Variants in MTRF1 observed in about 807,000 individuals in gnomAD.
The protein encoded by MTRF1 is peptide chain release factor 1, mitochondrial.
In MTRF1, 51 loss-of-function variants were observed where a neutral mutation model predicts 62.9. That is an observed-to-expected ratio of 0.81 (90% CI 0.65 to 1.02). The LOEUF is 1.02. Among genes scored for constraint, MTRF1 ranks in the 50% least tolerant of loss-of-function variants. The pLI is 0.00. For missense variants in MTRF1, 446 were observed against 530.0 expected (o/e 0.84, Z 1.56); for synonymous variants, 158 against 181.9 (o/e 0.87, Z 1.06).
intron 7 of MTRF1, among the ~76,000 whole-genome samples, chr13:41,227,348 C>T (rs904860273): frequency 3.3e-5 from 5 of 151,800 alleles, no homozygotes; most frequent in Admixed American, 2.0e-4. Flanking sequence ...AGACGCTACT[C>T]AGAGTCTTTA....
At chr13:41,251,197 C>T (rs1202213094) in intron 5 of MTRF1, among the ~76,000 whole-genome samples, 1 of 152,130 alleles carries the variant, frequency 6.6e-6, no homozygotes, top group African/African-American at 2.4e-5. Flanking sequence ...CCTATTCATC[C>T]TTTGCAGGTC....
At chr13:41,217,828 C>T (rs954779979) in intron 9 of MTRF1, among the ~76,000 whole-genome samples, 1 of 152,218 alleles carries the variant, frequency 6.6e-6, no homozygotes, top group African/African-American at 2.4e-5. Context: ...CAAGCTCACC[C>T]TTCTGCTAAT....
At chr13:41,311,614 CGGTCCCCG>C in the MTRF1 span, 2 of 1,590,846 alleles carry the variant, frequency 1.3e-6, no homozygotes, top group Non-Finnish European at 1.7e-6. Context: ...TGCCGCCCCC[CGGTCCCCG>C]GGTCCTCGGG....
intron 1 of MTRF1, chr13:41,261,415 C>T (rs2139210608): frequency 6.5e-6 from 1 of 152,980 alleles, no homozygotes; most frequent in Admixed American, 6.5e-5. Flanking sequence ...TAAATAAAAA[C>T]AGCACTGCTT....
chr13:41,284,093 A>C, the MTRF1 span, among the ~76,000 whole-genome samples: 26 of 138,332 alleles, frequency 1.9e-4, no homozygotes, highest in Admixed American at 1.4e-3. Flanking sequence ...TTCTATCAAC[A>C]CTTTCCTATC....
chr13:41,241,427 A>C (rs1566115466), intron 5 of MTRF1, among the ~76,000 whole-genome samples: 1 of 152,144 alleles, frequency 6.6e-6, no homozygotes, highest in Non-Finnish European at 1.5e-5. Context: ...CAAATCAAAT[A>C]TGTGGTTTAG....
At chr13:41,286,539 A>G in the MTRF1 span, among the ~76,000 whole-genome samples, 3 of 152,214 alleles carry the variant, frequency 2.0e-5, no homozygotes, top group Non-Finnish European at 4.4e-5. Context: ...TGGGGATTTA[A>G]AAACAATTGT....
the MTRF1 span, chr13:41,311,489 T>C: frequency 1.3e-6 from 2 of 1,566,836 alleles, no homozygotes; most frequent in Non-Finnish European, 1.7e-6. Context: ...CCCGGGCACC[T>C]AGCCTCCCTG....
At chr13:41,255,595 G>C (rs946153931) in intron 2 of MTRF1, among the ~76,000 whole-genome samples, 7 of 152,148 alleles carry the variant, frequency 4.6e-5, no homozygotes, top group Non-Finnish European at 8.8e-5. Flanking sequence ...GGGAGGCTGA[G>C]GCAGGAGAAT....
At chr13:41,275,585 C>G in the MTRF1 span, among the ~76,000 whole-genome samples, 1 of 151,542 alleles carries the variant, frequency 6.6e-6, no homozygotes, top group African/African-American at 2.4e-5. Context: ...CTCTGTCTCC[C>G]GGGTTCAAAT....
At chr13:41,253,899 G>A (rs903071747) in intron 3 of MTRF1, among the ~76,000 whole-genome samples, 1 of 152,150 alleles carries the variant, frequency 6.6e-6, no homozygotes, top group Non-Finnish European at 1.5e-5. Flanking sequence ...GTAGGAGGAC[G>A]GCAAACGTGA....
At chr13:41,234,092 T>C (rs2036066988) in intron 6 of MTRF1, 85 bp from the exon 7 acceptor site, 2 of 1,070,940 alleles carry the variant, frequency 1.9e-6, no homozygotes. Context: ...ATAAACTGTA[T>C]TGTTTTAAGA....
chr13:41,289,062 T>C, the MTRF1 span, among the ~76,000 whole-genome samples: 8 of 152,166 alleles, frequency 5.3e-5, no homozygotes, highest in African/African-American at 1.9e-4. Flanking sequence ...TATGGTCATT[T>C]GGCATTTGAA....
the MTRF1 span, among the ~76,000 whole-genome samples, chr13:41,280,225 G>A: frequency 3.0e-4 from 45 of 152,232 alleles, no homozygotes; most frequent in East Asian, 6.4e-3. Flanking sequence ...GTGAGCCACC[G>A]CGCCCGGCCC....
chr13:41,266,729 C>T (rs769869504), upstream of MTRF1, among the ~76,000 whole-genome samples: 3 of 152,098 alleles, frequency 2.0e-5, no homozygotes, highest in South Asian at 6.2e-4. Context: ...CGCAGTGGCT[C>T]ACGCCTGTAA....
chr13:41,297,213 G>C, the MTRF1 span, among the ~76,000 whole-genome samples: 1 of 152,134 alleles, frequency 6.6e-6, no homozygotes, highest in East Asian at 1.9e-4. Context: ...GATTCTTTTT[G>C]TATTTTGTTT....
intron 5 of MTRF1, among the ~76,000 whole-genome samples, chr13:41,243,272 G>A (rs1284972122): frequency 1.3e-5 from 2 of 151,534 alleles, no homozygotes; most frequent in African/African-American, 4.8e-5. Flanking sequence ...AGCCAGGTGT[G>A]GTGGCACGTG....
intron 3 of MTRF1, among the ~76,000 whole-genome samples, chr13:41,253,468 G>A (rs1170913074): frequency 6.6e-6 from 1 of 152,196 alleles, no homozygotes; most frequent in African/African-American, 2.4e-5. Flanking sequence ...CAGCCATGCT[G>A]TGCCTTCTCA....
chr13:41,258,522 G>T, intron 2 of MTRF1, among the ~76,000 whole-genome samples: 1 of 150,208 alleles, frequency 6.7e-6, no homozygotes, highest in Non-Finnish European at 1.5e-5. Flanking sequence ...TGAGGCAGGA[G>T]GATTGTTTGA....
Sources: gnomAD v4.1 joint callset for allele counts (sites outside exome capture counted in the v4.1 genomes callset) on GRCh38, gnomAD v4.1.1 for gene constraint, MANE v1.5 for transcripts, NCBI Gene and HGNC (gene_info 2026-07-23, HGNC 2026-07-21) for gene names.